The following LMNB1 variants were observed in gnomAD, a reference collection of about 807,000 sequenced individuals.
LMNB1 encodes lamin B1, also known as lamin-B1.
In LMNB1, 23 loss-of-function variants were observed where a neutral mutation model predicts 67.1. That is an observed-to-expected ratio of 0.34 (90% CI 0.25 to 0.49). The LOEUF is 0.49. Among genes scored for constraint, LMNB1 ranks in the 20% least tolerant of loss-of-function variants. The probability of loss-of-function intolerance (pLI) is 0.99; values close to 1 mark genes in which losing one functional copy is unlikely to be tolerated. For missense variants in LMNB1, 634 were observed against 746.5 expected (o/e 0.85, Z 1.76); for synonymous variants, 281 against 282.9 (o/e 0.99, Z 0.07).
chr5:126,803,312 C>T (rs531362356), intron 1 of LMNB1, among the ~76,000 whole-genome samples: 1 of 152,080 alleles, frequency 6.6e-6, no homozygotes, highest in East Asian at 2.0e-4. Flanking sequence ...ATGGCACAAT[C>T]TCGGCTCACT....
At chr5:126,807,159 A>G (rs917953800) in intron 3 of LMNB1, among the ~76,000 whole-genome samples, 1 of 152,228 alleles carries the variant, frequency 6.6e-6, no homozygotes, top group African/African-American at 2.4e-5. Context: ...TTGTCAAACA[A>G]AGGAAGTAAT....
intron 1 of LMNB1, among the ~76,000 whole-genome samples, chr5:126,794,173 C>A (rs947112269): frequency 6.6e-6 from 1 of 152,166 alleles, no homozygotes; most frequent in Non-Finnish European, 1.5e-5. Flanking sequence ...GATCTGCCTG[C>A]CTCGGCCCCC....
At chr5:126,800,951 C>CTACATATA (rs1210732092) in intron 1 of LMNB1, among the ~76,000 whole-genome samples, 9 of 47,326 alleles carry the variant, frequency 1.9e-4, no homozygotes, top group East Asian at 5.2e-4. Flanking sequence ...TGCAGCCAGA[C>CTACATATA]TATATATATA....
chr5:126,790,207 G>A (rs1447993756), intron 1 of LMNB1, among the ~76,000 whole-genome samples: 1 of 152,152 alleles, frequency 6.6e-6, no homozygotes, highest in Non-Finnish European at 1.5e-5. Flanking sequence ...CCACGTTCAA[G>A]TGATTCTTGT....
At chr5:126,780,064 C>A (rs916612994) in intron 1 of LMNB1, among the ~76,000 whole-genome samples, 1 of 151,774 alleles carries the variant, frequency 6.6e-6, no homozygotes, top group Non-Finnish European at 1.5e-5. Context: ...TGGTGGCGGG[C>A]GTCTGTAATC....
intron 9 of LMNB1, among the ~76,000 whole-genome samples, chr5:126,829,286 GTC>G (rs1307101183): frequency 6.6e-6 from 1 of 152,002 alleles, no homozygotes; most frequent in Non-Finnish European, 1.5e-5. Context: ...CCGGGGATCT[GTC>G]TGTTGTTTCT....
chr5:126,822,991 A>C (rs1751908313), intron 8 of LMNB1, 106 bp downstream of exon 8: 2 of 702,432 alleles, frequency 2.8e-6, no homozygotes, highest in Non-Finnish European at 5.0e-6. Flanking sequence ...ATGGCCGTTA[A>C]AGTACTTTTT....
At chr5:126,788,503 T>C (rs1750867243) in intron 1 of LMNB1, among the ~76,000 whole-genome samples, 1 of 152,064 alleles carries the variant, frequency 6.6e-6, no homozygotes, top group East Asian at 1.9e-4. Flanking sequence ...CAGGCGTGGT[T>C]GCACATGCCT....
intron 9 of LMNB1, among the ~76,000 whole-genome samples, chr5:126,830,769 A>G (rs1752112919): frequency 6.6e-6 from 1 of 151,890 alleles, no homozygotes; most frequent in Non-Finnish European, 1.5e-5. Flanking sequence ...ATTTTATTTG[A>G]CTCGTTCCTC....
At position 126,777,462 on chromosome 5, in the gene LMNB1, A is replaced by G. The variant is rs1256367779; in HGVS notation, c.-47A>G. ...CGCCCCCTGCCGTCCCCTCCTTATCACGGTCCCGCTCGCGGCCTCGCCGCC... is the reference window on the plus strand; with the variant it reads ...CGCCCCCTGCCGTCCCCTCCTTATCGCGGTCCCGCTCGCGGCCTCGCCGCC... On this transcript the variant is annotated 5_prime_UTR_variant, in exon 1 of 11. Transcript: ENST00000261366. The G allele has an allele frequency of 2.3e-6, 3 of 1,291,868 alleles. No homozygotes were observed. The highest frequency in any genetic ancestry group is 2.0e-6 in the Non-Finnish European group (2 of 1,024,666). The allele number at this position is 1,291,868 out of a possible 1,614,324, so 80.0% of individuals were successfully genotyped here. A position where few individuals can be genotyped will look rare whatever the true frequency, so the allele number is the denominator to read the frequency against.
intron 1 of LMNB1, among the ~76,000 whole-genome samples, chr5:126,788,690 G>GT (rs1478328143): frequency 6.6e-6 from 1 of 152,048 alleles, no homozygotes; most frequent in African/African-American, 2.4e-5. Context: ...TGGAACAAGG[G>GT]TTTTTTGTTT....
intron 1 of LMNB1, among the ~76,000 whole-genome samples, chr5:126,800,968 TA>T (rs1751261675): frequency 2.7e-5 from 2 of 73,184 alleles, no homozygotes; most frequent in Non-Finnish European, 5.7e-5. Flanking sequence ...TATATATATA[TA>T]TATATATATA....
intron 1 of LMNB1, among the ~76,000 whole-genome samples, chr5:126,790,874 T>C (rs962408210): frequency 6.6e-6 from 1 of 151,814 alleles, no homozygotes; most frequent in African/African-American, 2.4e-5. Flanking sequence ...TACAAAAAAT[T>C]AGCCGGTGTG....
In LMNB1 at chr5:126,819,034, A is replaced by T; in HGVS notation, c.1052A>T (p.Asp351Val). 6.2e-7 allele frequency: 1 copy of T among 1,614,186 alleles called. No individual in the cohort carries two copies. Among genetic ancestry groups the T allele is most frequent in the Non-Finnish European group, 8.5e-7 (1 of 1,180,012 alleles). ...GAGAGAGAGATGGCGGAAATAAGGGATCAAATGCAGCAACAGCTGAATGAC... is the reference window on the plus strand; with the variant it reads ...GAGAGAGAGATGGCGGAAATAAGGGTTCAAATGCAGCAACAGCTGAATGAC... ...DKEREMAEIR[D>V]QMQQQLNDYE... Residue 351 changes from aspartate to valine, a missense_variant, in exon 6 of 11, where the codon GAT becomes GTT. Transcript: ENST00000261366.
chr5:126,810,267 C>G lies in LMNB1; in HGVS notation c.730C>G (p.Gln244Glu). The G allele has an allele frequency of 6.2e-7, 1 of 1,614,028 alleles. No homozygotes were observed. The change falls in exon 4 of 11, where the codon CAA becomes GAA. Residue 244 changes from glutamine to glutamate, a missense_variant. Transcript: ENST00000261366. ...AATTGAGTATGAGTACAAGCTGGCG[C>G]AAGCCCTTCATGAGATGAGAGAGCA... is the stretch of plus-strand genomic sequence containing the variant. ...RQIEYEYKLAQALHEMREQHD... is the reference protein window; with the variant it reads ...RQIEYEYKLAEALHEMREQHD...
chr5:126,825,311 T>G (rs1268768236), intron 8 of LMNB1, among the ~76,000 whole-genome samples: 1 of 152,250 alleles, frequency 6.6e-6, no homozygotes, highest in African/African-American at 2.4e-5. Flanking sequence ...TTCTTTGACC[T>G]ATTTCAATAG....
At chr5:126,778,719 GC>G (rs1750548270) in intron 1 of LMNB1, among the ~76,000 whole-genome samples, 1 of 152,082 alleles carries the variant, frequency 6.6e-6, no homozygotes, top group Non-Finnish European at 1.5e-5. Flanking sequence ...TCTGTCCCCA[GC>G]TTTTGCCTCC....
chr5:126,777,895 C>G (rs55750112), intron 1 of LMNB1, 28 bp downstream of exon 1: 22,009 of 1,379,750 alleles, frequency 0.016, 216 homozygotes, highest in Non-Finnish European at 0.019. Context: ...GCCGCGTTAG[C>G]GCCAAGGAGG....
At chr5:126,810,440 T>C in intron 4 of LMNB1, 90 bp downstream of exon 4, 1 of 1,077,486 alleles carries the variant, frequency 9.3e-7, no homozygotes, top group Non-Finnish European at 1.3e-6. Flanking sequence ...TATTTTGTTC[T>C]AGTTTTTAAA....
Sources: allele counts gnomAD v4.1 joint callset (sites outside exome capture counted in the v4.1 genomes callset), GRCh38; gene constraint gnomAD v4.1.1; transcripts MANE v1.5; gene names NCBI Gene and HGNC (gene_info 2026-07-23, HGNC 2026-07-21).